Variants in PDE6A observed in about 807,000 individuals in gnomAD.
PDE6A encodes the protein rod cGMP-specific 3',5'-cyclic phosphodiesterase subunit alpha.
A neutral mutation model predicts 106.3 loss-of-function variants in PDE6A; 84 were observed. The ratio of observed to expected loss-of-function variants is 0.79; its 90% CI spans 0.66 to 0.95. The LOEUF (loss-of-function observed/expected upper bound fraction) is 0.95, where lower values mean the gene tolerates loss of function less well. Ranked by LOEUF, PDE6A falls within the 40% of genes least tolerant of loss-of-function variation. PDE6A has a pLI of 0.00. For synonymous variants in PDE6A, 394 were observed against 386.6 expected (o/e 1.02, Z -0.23); for missense variants, 1,052 against 1,084.9 (o/e 0.97, Z 0.43).
chr5:149,922,901 C>T (rs1753761833), intron 4 of PDE6A, among the ~76,000 whole-genome samples: 1 of 152,134 alleles, frequency 6.6e-6, no homozygotes, highest in Non-Finnish European at 1.5e-5. Flanking sequence ...TGAGCTCCTA[C>T]AAAAGAAACT....
chr5:149,877,004 A>G (rs147224170), intron 17 of PDE6A, among the ~76,000 whole-genome samples: 36 of 151,548 alleles, frequency 2.4e-4, no homozygotes, highest in African/African-American at 8.6e-4. Flanking sequence ...ACCAAATAAA[A>G]AAGAAAGAAA....
At chr5:149,862,479 C>T (rs1188507032) in intron 21 of PDE6A, among the ~76,000 whole-genome samples, 1 of 152,180 alleles carries the variant, frequency 6.6e-6, no homozygotes, top group Non-Finnish European at 1.5e-5. Context: ...CCTTCCAAGT[C>T]CGGACGCGGT....
Position 149,931,126 on chromosome 5 carries a change from C to T in PDE6A, c.760G>A (p.Asp254Asn), listed in dbSNP as rs1407263517. ...GCTTTGTGGAACTGTCGTTCGATGT[C>T]CGTAAGTTCTTCAAAGACTTTGCTC... is the stretch of plus-strand genomic sequence containing the variant. ...SGSKVFEELT[D>N]IERQFHKALY... The change falls in exon 4 of 22, where the codon GAC (aspartate) becomes AAC (asparagine). Residue 254 changes from aspartate to asparagine, a missense_variant. Asp to Asn is a conservative substitution (Grantham distance 23). Transcript: ENST00000255266. 6.2e-7 allele frequency: 1 copy of T among 1,614,084 alleles called. No homozygotes were observed. The highest frequency in any genetic ancestry group is 8.5e-7 in the Non-Finnish European group (1 of 1,179,980).
rs73269796 is a variant in PDE6A at position 149,939,261 on chromosome 5, C to T, written c.475-4543G>A. Among the ~76,000 whole-genome samples, 1,413 of 152,226 alleles carry T rather than the reference C, an allele frequency of 9.3e-3. 16 individuals carry two copies. The highest frequency in any genetic ancestry group is 0.029 in the African/African-American group (1,195 of 41,528). ...GTGTGGTTTCCTGGGTAAACTCTGA[C>T]GGATGAACAGAAAGCAACAGGCCGT... On this transcript the variant is annotated intron_variant, in intron 1 of 21. Coordinates refer to ENST00000255266, the MANE Select transcript of PDE6A (RefSeq NM_000440.3).
At position 149,932,100 on chromosome 5, in the gene PDE6A, T is replaced by C. The variant is rs1362954103; in HGVS notation, c.718-932A>G. 4.5e-6 allele frequency: 6 copies of C among 1,325,436 alleles called. No homozygotes were observed. In the East Asian group the frequency reaches 1.4e-4, roughly 30 times the overall value. The allele number at this position is 1,325,436 out of a possible 1,614,324, so 82.1% of individuals were successfully genotyped here. On this transcript the variant is annotated intron_variant, in intron 3 of 21. Coordinates refer to ENST00000255266, the MANE Select transcript of PDE6A (RefSeq NM_000440.3). ...TTCTCTTTTAGCACGTTCTTTGTTC[T>C]CCTCGTCCGGAAGTTGTAGACGTCT...
At chr5:149,868,941 C>T (rs946596774) in intron 17 of PDE6A, among the ~76,000 whole-genome samples, 2 of 152,016 alleles carry the variant, frequency 1.3e-5, no homozygotes, top group African/African-American at 4.8e-5. Flanking sequence ...GGCAGAAACT[C>T]TCACCCAAAA....
chr5:149,869,000 A>G (rs1760436973), intron 17 of PDE6A, among the ~76,000 whole-genome samples: 2 of 152,246 alleles, frequency 1.3e-5, no homozygotes, highest in South Asian at 4.1e-4. Flanking sequence ...GTGTAAAGAG[A>G]ACTGTGAACA....
rs1476433843 is a variant in PDE6A, at chr5:149,887,024, A to G, written c.1729-650T>C. On this transcript the variant is annotated intron_variant, in intron 13 of 21. Transcript: ENST00000255266. ...CTACTCTGGCCTGACCATTTCAGCC[A>G]AGGGGGAAGGGATGATGTTGAGGAA... is the stretch of plus-strand genomic sequence containing the variant. Among the ~76,000 whole-genome samples, 3 of 152,316 alleles carry G rather than the reference A, an allele frequency of 2.0e-5. No homozygotes were observed. The East Asian group carries it at 5.8e-4, about 29-fold the overall frequency.
rs1279482378 is a variant in PDE6A, at chr5:149,944,789, A to G, written c.-116T>C. ...CTTCTCTGGGTCTTGTCTGCAAAAC[A>G]TACTGAGATGGCCTGCACAGGAGAG... is the stretch of plus-strand genomic sequence containing the variant. On this transcript the variant is annotated 5_prime_UTR_variant, in exon 1 of 22. An upstream start codon of the reference 5' UTR is lost. Coordinates refer to ENST00000255266, the MANE Select transcript of PDE6A (RefSeq NM_000440.3). 1 of 779,700 alleles carries G rather than the reference A, an allele frequency of 1.3e-6. No individual in the cohort carries two copies. Among genetic ancestry groups the G allele is most frequent in the Non-Finnish European group, 2.2e-6 (1 of 456,450 alleles). 48.3% of individuals were successfully genotyped at this position (779,700 alleles called of 1,614,324 possible). A position where few individuals can be genotyped will look rare whatever the true frequency, so the allele number is the denominator to read the frequency against.
chr5:149,893,737 A>G (rs1024327331), intron 13 of PDE6A, among the ~76,000 whole-genome samples: 4 of 152,094 alleles, frequency 2.6e-5, no homozygotes, highest in African/African-American at 9.7e-5. Flanking sequence ...ACTTAACTGA[A>G]CTCTGTTCAT....
At chr5:149,911,857 A>AG (rs1294261991) in intron 6 of PDE6A, among the ~76,000 whole-genome samples, 1 of 150,738 alleles carries the variant, frequency 6.6e-6, no homozygotes, top group Non-Finnish European at 1.5e-5. Context: ...AAAAAAAAAA[A>AG]AAAAAAAAAT....
Position 149,859,917 on chromosome 5 carries a change from T to C in PDE6A, c.*978A>G, listed in dbSNP as rs540793961. The stretch of plus-strand genomic sequence containing the variant: ...TTGGGATTTGCCTTTTCTTTTGCTT[T>C]TGTTTGAGTCAGAGTCTCGCTCGGT... On this transcript the variant is annotated 3_prime_UTR_variant, in exon 22 of 22. Transcript: ENST00000255266. The C allele has an allele frequency of 6.6e-6, 1 of 152,256 alleles. No individual in the cohort carries two copies. Among genetic ancestry groups the C allele is most frequent in the African/African-American group, 2.4e-5 (1 of 41,456 alleles). 9.4% of individuals were successfully genotyped at this position (152,256 alleles called of 1,614,324 possible). A position where few individuals can be genotyped will look rare whatever the true frequency, so the allele number is the denominator to read the frequency against.
Position 149,858,835 on chromosome 5 carries a change from T to TTTTTTG in PDE6A, c.*2059_*2060insCAAAAA, listed in dbSNP as rs1760027439. 1 of 144,540 alleles carries TTTTTTG rather than the reference T, an allele frequency of 6.9e-6. No individual in the cohort carries two copies. Among genetic ancestry groups the TTTTTTG allele is most frequent in the African/African-American group, 2.6e-5 (1 of 38,704 alleles). The allele number at this position is 144,540 out of a possible 1,614,324, so 9.0% of individuals were successfully genotyped here. A position where few individuals can be genotyped will look rare whatever the true frequency, so the allele number is the denominator to read the frequency against. ...CCACATCTTTTTTTTTTCTTTTTTT[T>TTTTTTG]TTTTTTGAGACGGAGTCTTGCTCTT... is the stretch of plus-strand genomic sequence containing the variant. On this transcript the variant is annotated 3_prime_UTR_variant, in exon 22 of 22. Coordinates refer to ENST00000255266, the MANE Select transcript of PDE6A (RefSeq NM_000440.3).
Position 149,903,647 on chromosome 5 carries a change from C to T in PDE6A, c.1113+1G>A, listed in dbSNP as rs372346866. On this transcript the variant is annotated splice_donor_variant, in intron 8 of 21. Coordinates refer to ENST00000255266, the MANE Select transcript of PDE6A (RefSeq NM_000440.3). LOFTEE classifies it high-confidence loss of function. ...AAGACTGCAAATAAAAAATGACTTA[C>T]CTGAAATGCAAAAAAGTCCTCCGCA... 33 of 1,612,062 alleles carry T rather than the reference C, an allele frequency of 2.0e-5. No individual in the cohort carries two copies. The highest frequency in any genetic ancestry group is 4.0e-5 in the African/African-American group (3 of 74,952).
chr5:149,913,426 A>G (rs1041783781), intron 6 of PDE6A, among the ~76,000 whole-genome samples: 4 of 151,900 alleles, frequency 2.6e-5, no homozygotes, highest in African/African-American at 9.7e-5. Flanking sequence ...ATCAGTCCTT[A>G]TGCAGGCAGC....
At chr5:149,909,871 G>A (rs1475218828) in intron 6 of PDE6A, among the ~76,000 whole-genome samples, 1 of 152,264 alleles carries the variant, frequency 6.6e-6, no homozygotes, top group East Asian at 1.9e-4. Flanking sequence ...TAGTTCCCAA[G>A]CATATGAGAA....
rs1322938563 is a variant in PDE6A at position 149,883,549 on chromosome 5, T to G, written c.2028-13A>C. ...CATCGTCCTCTTCCTACAAAACATA[T>G]CAGTCTAGTAAAGGGAGCAAGTCTT... is the stretch of plus-strand genomic sequence containing the variant. On this transcript the variant is annotated splice_polypyrimidine_tract_variant and intron_variant, in intron 16 of 21. Transcript: ENST00000255266. 2 of 1,569,532 alleles carry G rather than the reference T, an allele frequency of 1.3e-6. No homozygotes were observed. The highest frequency in any genetic ancestry group is 1.8e-6 in the Non-Finnish European group (2 of 1,140,084).
intron 17 of PDE6A, among the ~76,000 whole-genome samples, chr5:149,871,393 G>C (rs1326350276): frequency 3.3e-5 from 5 of 152,192 alleles, no homozygotes; most frequent in Admixed American, 6.5e-5. Context: ...CATTCTTGGA[G>C]AAGACATGAG....
At chr5:149,932,826 G>A (rs570614124) in intron 3 of PDE6A, among the ~76,000 whole-genome samples, 26 of 152,220 alleles carry the variant, frequency 1.7e-4, no homozygotes, top group Admixed American at 1.7e-3. Flanking sequence ...GTCCCCCTCC[G>A]CCCACAGGAG....
Sources: allele counts gnomAD v4.1 joint callset (sites outside exome capture counted in the v4.1 genomes callset), GRCh38; gene constraint gnomAD v4.1.1; transcripts MANE v1.5; gene names NCBI Gene and HGNC (gene_info 2026-07-23, HGNC 2026-07-21).